The following KIAA1549L variants were observed in gnomAD, a reference collection of about 807,000 sequenced individuals.
KIAA1549L encodes the protein UPF0606 protein KIAA1549L.
KIAA1549L carries 88 observed loss-of-function variants against 160.7 expected under a neutral mutation model. That is an observed-to-expected ratio of 0.55 (90% CI 0.46 to 0.65). The LOEUF (loss-of-function observed/expected upper bound fraction) is 0.65, where lower values mean the gene tolerates loss of function less well. KIAA1549L is among the 30% of genes least tolerant of loss of function. The pLI is 0.00. For missense variants in KIAA1549L, 2,258 were observed against 2,437.5 expected (o/e 0.93, Z 1.55); for synonymous variants, 950 against 976.7 (o/e 0.97, Z 0.51).
At chr11:33,644,958 A>G (rs530047856) in intron 16 of KIAA1549L, among the ~76,000 whole-genome samples, 2 of 152,268 alleles carry the variant, frequency 1.3e-5, no homozygotes, top group Non-Finnish European at 2.9e-5. Flanking sequence ...GAGACCGTCC[A>G]TGCAGCCTGT....
chr11:33,614,531 G>GCTACATATATAT (rs879500574), intron 15 of KIAA1549L, among the ~76,000 whole-genome samples: 4 of 27,104 alleles, frequency 1.5e-4, no homozygotes, highest in Non-Finnish European at 2.6e-4. Flanking sequence ...AGTGTAACAA[G>GCTACATATATAT]ATATATATAT....
intron 16 of KIAA1549L, among the ~76,000 whole-genome samples, chr11:33,624,336 A>G (rs1209908942): frequency 1.3e-5 from 2 of 152,222 alleles, no homozygotes; most frequent in Non-Finnish European, 2.9e-5. Flanking sequence ...TCCATCTTCT[A>G]GTCCTAAGCA....
In KIAA1549L at chr11:33,654,302, CGTT is replaced by C. The variant is rs376075304; in HGVS notation, c.5761-1706_5761-1704del. Among the ~76,000 whole-genome samples, 52 of 152,258 alleles carry C rather than the reference CGTT, an allele frequency of 3.4e-4. No individual in the cohort carries two copies. The East Asian group carries it at 6.9e-3, about 20-fold the overall frequency. ...AACTATTTCTTAAAAACATTTTTTA[CGTT>C]GTTATTTTTTGTCTTGTGTCTGGAA... On this transcript the variant is annotated intron_variant, in intron 17 of 20. Transcript: ENST00000658780.
In KIAA1549L at chr11:33,651,526, G is replaced by C. The variant is rs563970799; in HGVS notation, c.5761-4486G>C. ...TCCCTGGGACAGGGAAAGGGCCCTA[G>C]ATTCGAAGAACTATGGAGGAAAAAT... On this transcript the variant is annotated intron_variant, in intron 17 of 20. Transcript: ENST00000658780. Among the ~76,000 whole-genome samples the C allele has an allele frequency of 2.6e-5, 4 of 151,640 alleles. No individual in the cohort carries two copies. The South Asian group carries it at 8.4e-4, about 32-fold the overall frequency.
intron 12 of KIAA1549L, among the ~76,000 whole-genome samples, chr11:33,596,357 G>A (rs2133298505): frequency 6.6e-6 from 1 of 152,244 alleles, no homozygotes; most frequent in African/African-American, 2.4e-5. Context: ...ACAGAAATTT[G>A]CTCATTAACA....
In KIAA1549L at chr11:33,638,422, T is replaced by TAA. The variant is rs371077129; in HGVS notation, c.5410-7251_5410-7250dup. Among the ~76,000 whole-genome samples the TAA allele has an allele frequency of 7.7e-3, 334 of 43,614 alleles. 3 individuals carry two copies. In the South Asian group the frequency reaches 0.077, roughly 10 times the overall value. 28.6% of individuals were successfully genotyped at this position (43,614 alleles called of 152,430 possible). ...ATGTTATTTTATTCTCTAAAATAAA[T>TAA]AAAAAAAAAAAAAATAAATAAATAA... On this transcript the variant is annotated intron_variant, in intron 16 of 20. Coordinates refer to ENST00000658780, the MANE Select transcript of KIAA1549L (RefSeq NM_012194.3).
intron 1 of KIAA1549L, among the ~76,000 whole-genome samples, chr11:33,432,413 C>T (rs1216396363): frequency 6.6e-6 from 1 of 152,130 alleles, no homozygotes; most frequent in African/African-American, 2.4e-5. Context: ...AATGCAGTAC[C>T]AAATGGGTTT....
At chr11:33,477,879 G>A (rs1287759444) in intron 1 of KIAA1549L, among the ~76,000 whole-genome samples, 2 of 152,166 alleles carry the variant, frequency 1.3e-5, no homozygotes, top group Non-Finnish European at 2.9e-5. Context: ...ACACACCACT[G>A]TGGGAAACCA....
chr11:33,438,970 AG>A (rs1218160937), intron 1 of KIAA1549L, among the ~76,000 whole-genome samples: 1 of 151,712 alleles, frequency 6.6e-6, no homozygotes, highest in Admixed American at 6.6e-5. Flanking sequence ...TCTGTTGCAT[AG>A]GCTGGAGTGC....
At chr11:33,556,844 A>G (rs957252494) in intron 6 of KIAA1549L, among the ~76,000 whole-genome samples, 1 of 152,234 alleles carries the variant, frequency 6.6e-6, no homozygotes, top group South Asian at 2.1e-4. Context: ...ACTGAACGAT[A>G]CACTTAAAAT....
chr11:33,435,844 G>GTATATATA (rs1213736288), intron 1 of KIAA1549L, among the ~76,000 whole-genome samples: 1 of 23,524 alleles, frequency 4.3e-5, no homozygotes, highest in African/African-American at 1.2e-4. Flanking sequence ...ATATGTATAT[G>GTATATATA]TGTGTGTGTG....
At chr11:33,613,107 C>T (rs1243024620) in intron 15 of KIAA1549L, among the ~76,000 whole-genome samples, 5 of 152,086 alleles carry the variant, frequency 3.3e-5, no homozygotes, top group Non-Finnish European at 7.4e-5. Flanking sequence ...TTCTGTTCCT[C>T]TGGGTATATA....
chr11:33,518,889 T>C (rs1268022346), intron 1 of KIAA1549L, among the ~76,000 whole-genome samples: 2 of 152,248 alleles, frequency 1.3e-5, no homozygotes, highest in African/African-American at 2.4e-5. Flanking sequence ...ATTACACTTA[T>C]CGAGTATCCC....
At chr11:33,482,684 C>T (rs1353013780) in intron 1 of KIAA1549L, among the ~76,000 whole-genome samples, 1 of 151,512 alleles carries the variant, frequency 6.6e-6, no homozygotes, top group East Asian at 1.9e-4. Flanking sequence ...ATTCTCCTGC[C>T]TCAGCCTCCT....
chr11:33,467,675 A>G (rs527826140), intron 1 of KIAA1549L, among the ~76,000 whole-genome samples: 1 of 152,328 alleles, frequency 6.6e-6, no homozygotes, highest in South Asian at 2.1e-4. Context: ...CCTGGGCAGT[A>G]TATAGTAGAT....
intron 1 of KIAA1549L, among the ~76,000 whole-genome samples, chr11:33,388,706 A>G (rs1850219693): frequency 6.6e-6 from 1 of 152,248 alleles, no homozygotes; most frequent in African/African-American, 2.4e-5. Context: ...ACCTTTTATT[A>G]TAAAAGAGAA....
At chr11:33,665,053 G>T (rs1852393990) in intron 20 of KIAA1549L, among the ~76,000 whole-genome samples, 1 of 152,144 alleles carries the variant, frequency 6.6e-6, no homozygotes, top group South Asian at 2.1e-4. Context: ...TCTCTGGTCA[G>T]CCTGAGGTCA....
chr11:33,382,987 C>G (rs1176538520), intron 1 of KIAA1549L, among the ~76,000 whole-genome samples: 3 of 152,084 alleles, frequency 2.0e-5, no homozygotes, highest in Non-Finnish European at 4.4e-5. Flanking sequence ...ATTAAAAGTA[C>G]AGTGTTACTT....
intron 10 of KIAA1549L, 24 bp from the exon 11 acceptor site, chr11:33,583,314 C>G (rs1330830783): frequency 1.3e-6 from 2 of 1,586,598 alleles, no homozygotes; most frequent in East Asian, 2.3e-5. Flanking sequence ...TTGTCATGTC[C>G]CTCCTGCTGG....
Sources: allele counts gnomAD v4.1 joint callset (sites outside exome capture counted in the v4.1 genomes callset), GRCh38; gene constraint gnomAD v4.1.1; transcripts MANE v1.5; gene names NCBI Gene and HGNC (gene_info 2026-07-23, HGNC 2026-07-21).